The following PABPC4L variants were observed in gnomAD, a reference collection of about 807,000 sequenced individuals.
PABPC4L encodes poly(A) binding protein cytoplasmic 4 like.
For synonymous variants in PABPC4L, 169 were observed against 164.1 expected (o/e 1.03, Z -0.23); for missense variants, 452 against 451.4 (o/e 1.00, Z -0.01).
the PABPC4L span, among the ~76,000 whole-genome samples, chr4:134,055,630 GTT>G: frequency 4.3e-5 from 5 of 117,378 alleles, no homozygotes; most frequent in South Asian, 2.7e-4. Flanking sequence ...GTTCCCCGTG[GTT>G]TTTTTTTTTT....
the PABPC4L span, among the ~76,000 whole-genome samples, chr4:134,078,192 A>T: frequency 6.6e-6 from 1 of 152,216 alleles, no homozygotes; most frequent in East Asian, 1.9e-4. Context: ...CCAAGCACAG[A>T]AATTATTAGA....
chr4:134,089,377 T>C, the PABPC4L span, among the ~76,000 whole-genome samples: 1 of 152,110 alleles, frequency 6.6e-6, no homozygotes, highest in African/African-American at 2.4e-5. Context: ...TGCGTTGCAA[T>C]TGATGAACTA....
At chr4:134,113,847 C>T in the PABPC4L span, among the ~76,000 whole-genome samples, 19 of 151,642 alleles carry the variant, frequency 1.3e-4, no homozygotes, top group Non-Finnish European at 2.7e-4. Flanking sequence ...GAGAGAAGGT[C>T]ATTTTCAAGC....
the PABPC4L span, among the ~76,000 whole-genome samples, chr4:134,149,351 C>T: frequency 1.3e-5 from 2 of 152,290 alleles, no homozygotes; most frequent in East Asian, 3.9e-4. Flanking sequence ...CTGGAATGAA[C>T]TAGCGAAAAA....
the PABPC4L span, among the ~76,000 whole-genome samples, chr4:134,141,161 A>G: frequency 2.0e-5 from 3 of 151,704 alleles, no homozygotes; most frequent in Non-Finnish European, 3.0e-5. Flanking sequence ...GCTTTTCCTG[A>G]AAATAGGCAA....
chr4:134,127,861 C>T, the PABPC4L span, among the ~76,000 whole-genome samples: 1 of 151,896 alleles, frequency 6.6e-6, no homozygotes, highest in Non-Finnish European at 1.5e-5. Context: ...ATCAAGGAGG[C>T]ACCAGAGAAA....
At chr4:134,108,349 G>C in the PABPC4L span, among the ~76,000 whole-genome samples, 2 of 151,658 alleles carry the variant, frequency 1.3e-5, no homozygotes, top group African/African-American at 4.8e-5. Context: ...AAATTGAAAA[G>C]CTTTTGCTCT....
At chr4:134,156,335 A>G in the PABPC4L span, among the ~76,000 whole-genome samples, 1 of 152,082 alleles carries the variant, frequency 6.6e-6, no homozygotes, top group South Asian at 2.1e-4. Flanking sequence ...CAGTAATTGC[A>G]TAAGGGAAAA....
chr4:134,055,710 T>C, the PABPC4L span, among the ~76,000 whole-genome samples: 1 of 150,826 alleles, frequency 6.6e-6, no homozygotes. Context: ...TTTTTACATA[T>C]ACCAGATCCT....
the PABPC4L span, among the ~76,000 whole-genome samples, chr4:134,028,432 C>T: frequency 6.0e-5 from 4 of 66,406 alleles, no homozygotes; most frequent in Non-Finnish European, 1.1e-4. Flanking sequence ...TCCTGAATTT[C>T]TTTTCCTTTT....
chr4:134,031,532 T>C, the PABPC4L span, among the ~76,000 whole-genome samples: 2 of 152,006 alleles, frequency 1.3e-5, no homozygotes, highest in African/African-American at 2.4e-5. Context: ...TGATTTTCTA[T>C]GGTGTTCTTC....
the PABPC4L span, among the ~76,000 whole-genome samples, chr4:134,014,332 T>A: frequency 1.3e-5 from 2 of 152,280 alleles, no homozygotes; most frequent in African/African-American, 4.8e-5. Flanking sequence ...ATGCCTTCCT[T>A]GCTTCCACTG....
chr4:134,105,485 C>A, the PABPC4L span, among the ~76,000 whole-genome samples: 1 of 151,550 alleles, frequency 6.6e-6, no homozygotes, highest in Non-Finnish European at 1.5e-5. Flanking sequence ...GCCAATAAAA[C>A]TGAAATATTG....
chr4:133,955,900 A>G, the PABPC4L span, among the ~76,000 whole-genome samples: 2 of 152,130 alleles, frequency 1.3e-5, no homozygotes, highest in Non-Finnish European at 2.9e-5. Context: ...TGTTGTCTCT[A>G]TGTTTTCATT....
chr4:134,028,105 T>C, the PABPC4L span, among the ~76,000 whole-genome samples: 1 of 152,112 alleles, frequency 6.6e-6, no homozygotes, highest in African/African-American at 2.4e-5. Flanking sequence ...TTGTTAGAAA[T>C]GCAAATTCTT....
downstream of PABPC4L, among the ~76,000 whole-genome samples, chr4:134,192,412 G>A (rs1399038706): frequency 6.6e-6 from 1 of 152,044 alleles, no homozygotes; most frequent in African/African-American, 2.4e-5. Context: ...TCCTTGGCCT[G>A]AAGTTTTGTT....
At chr4:134,109,809 T>A in the PABPC4L span, among the ~76,000 whole-genome samples, 1 of 151,796 alleles carries the variant, frequency 6.6e-6, no homozygotes, top group Admixed American at 6.6e-5. Context: ...TGGCATGGTC[T>A]CAGCTCACTG....
At chr4:134,073,808 T>G in the PABPC4L span, among the ~76,000 whole-genome samples, 2 of 152,158 alleles carry the variant, frequency 1.3e-5, no homozygotes, top group African/African-American at 2.4e-5. Flanking sequence ...ATTTGCACCC[T>G]CTGAAGCAAT....
the PABPC4L span, among the ~76,000 whole-genome samples, chr4:134,132,980 T>C: frequency 7.1e-6 from 1 of 139,894 alleles, no homozygotes; most frequent in Non-Finnish European, 1.5e-5. Context: ...ATATTATGTA[T>C]ATAATTAATA....
Sources: allele counts gnomAD v4.1 joint callset (sites outside exome capture counted in the v4.1 genomes callset), GRCh38; gene constraint gnomAD v4.1.1; transcripts MANE v1.5; gene names NCBI Gene and HGNC (gene_info 2026-07-23, HGNC 2026-07-21).